Variants in BRIP1 observed in about 807,000 individuals in gnomAD.
BRIP1 encodes the protein BRCA1 interacting DNA helicase 1.
A neutral mutation model predicts 119.7 loss-of-function variants in BRIP1; 88 were observed. The ratio of observed to expected loss-of-function variants is 0.74; its 90% CI spans 0.62 to 0.88. The LOEUF is 0.88. Among genes scored for constraint, BRIP1 ranks in the 40% least tolerant of loss-of-function variants. The probability of loss-of-function intolerance (pLI) is 0.00; values close to 1 mark genes in which losing one functional copy is unlikely to be tolerated. For missense variants in BRIP1, 1,259 were observed against 1,455.4 expected, an observed-to-expected ratio of 0.87 and a Z score of 2.20; for synonymous variants, 443 against 496.5, an observed-to-expected ratio of 0.89 and a Z score of 1.43.
chr17:61,840,714 T>C (rs958842470), intron 6 of BRIP1, among the ~76,000 whole-genome samples: 7 of 152,102 alleles, frequency 4.6e-5, no homozygotes, highest in African/African-American at 1.7e-4. Context: ...ATAACATTCT[T>C]TACAGGAATA....
At position 61,736,266 on chromosome 17, in the gene BRIP1, T is replaced by C. The variant is rs1415478859; in HGVS notation, c.2379+6747A>G. 6.6e-6 allele frequency among the ~76,000 whole-genome samples: 1 copy of C among 152,050 alleles called. No individual in the cohort carries two copies. The highest frequency in any genetic ancestry group is 1.5e-5 in the Non-Finnish European group (1 of 68,018). On this transcript the variant is annotated intron_variant, in intron 16 of 19. Coordinates refer to ENST00000259008, the MANE Select transcript of BRIP1 (RefSeq NM_032043.3). The surrounding 1 kb of genome is among the most constrained non-coding windows in gnomAD (Gnocchi z 4.4). Reference sequence around the variant, plus strand: ...TCAATTGAGCCCATGAGCTCAAGGCTGCAGTGAGCTATGATTGTGCCACTG... The same window carrying C: ...TCAATTGAGCCCATGAGCTCAAGGCCGCAGTGAGCTATGATTGTGCCACTG...
chr17:61,773,676 G>A (rs112766108), intron 14 of BRIP1, among the ~76,000 whole-genome samples: 23 of 151,712 alleles, frequency 1.5e-4, no homozygotes, highest in African/African-American at 3.9e-4. Context: ...AAATTTTTGC[G>A]ATCTACCCAT....
At position 61,753,845 on chromosome 17, in the gene BRIP1, T is replaced by C. The variant is rs1213061984; in HGVS notation, c.2098-9254A>G. ...GTTGCCAAGGCTGGTCTCAAACTCC[T>C]GGACTCAAGCACTCCTCCACCTTGG... On this transcript the variant is annotated intron_variant, in intron 14 of 19. Coordinates refer to ENST00000259008, the MANE Select transcript of BRIP1 (RefSeq NM_032043.3). This position sits in a 1 kb window ranked among gnomAD's most constrained non-coding sequence, Gnocchi z 4.6. Among the ~76,000 whole-genome samples the C allele has an allele frequency of 2.0e-5, 3 of 152,146 alleles. No individual in the cohort carries two copies. The highest frequency in any genetic ancestry group is 4.8e-5 in the African/African-American group (2 of 41,430).
chr17:61,809,001 C>G lies in BRIP1; in HGVS notation c.628-244G>C, dbSNP rs1378628853. 3.3e-5 allele frequency among the ~76,000 whole-genome samples: 5 copies of G among 152,288 alleles called. No individual in the cohort carries two copies. On this transcript the variant is annotated intron_variant, in intron 6 of 19. Coordinates refer to ENST00000259008, the MANE Select transcript of BRIP1 (RefSeq NM_032043.3). This position sits in a 1 kb window ranked among gnomAD's most constrained non-coding sequence, Gnocchi z 5.2. ...AATTTGCATTCTTTCCAACATACCACTCTAACTCTCCAATTCCAAATGTTT... is the reference window on the plus strand; with the variant it reads ...AATTTGCATTCTTTCCAACATACCAGTCTAACTCTCCAATTCCAAATGTTT...
chr17:61,757,074 T>C lies in BRIP1; in HGVS notation c.2098-12483A>G, dbSNP rs2077209956. On this transcript the variant is annotated intron_variant, in intron 14 of 19. Transcript: ENST00000259008. The surrounding 1 kb of genome is among the most constrained non-coding windows in gnomAD (Gnocchi z 4.3). The stretch of plus-strand genomic sequence containing the variant: ...TCATATGTTTTAAATGTTTACTTTC[T>C]TTTATTCAGTTGATATGTACCCATA... 6.6e-6 allele frequency among the ~76,000 whole-genome samples: 1 copy of C among 152,216 alleles called. No individual in the cohort carries two copies. The highest frequency in any genetic ancestry group is 2.4e-5 in the African/African-American group (1 of 41,464).
chr17:61,839,163 T>A (rs2066962), intron 6 of BRIP1, among the ~76,000 whole-genome samples: 28,527 of 151,988 alleles, frequency 0.19, 3,101 homozygotes, highest in Admixed American at 0.3. Context: ...TATTACATTC[T>A]TGGAAATAAT....
rs1204285663 is a variant in BRIP1 at position 61,729,790 on chromosome 17, A to G, written c.2379+13223T>C. On this transcript the variant is annotated intron_variant, in intron 16 of 19. Transcript: ENST00000259008. This position sits in a 1 kb window ranked among gnomAD's most constrained non-coding sequence, Gnocchi z 5.6. ...AAACAGTGGTGCTCAACCGAGAGCA[A>G]TTTTGCCAACCAGAAGATAATGGCA... Among the ~76,000 whole-genome samples, 1 of 152,068 alleles carries G rather than the reference A, an allele frequency of 6.6e-6. No homozygotes were observed. Among genetic ancestry groups the G allele is most frequent in the African/African-American group, 2.4e-5 (1 of 41,404 alleles).
rs2061502110 is a variant in BRIP1 at position 61,695,076 on chromosome 17, A to C, written c.2493-1564T>G. On this transcript the variant is annotated intron_variant, in intron 17 of 19. Coordinates refer to ENST00000259008, the MANE Select transcript of BRIP1 (RefSeq NM_032043.3). This position sits in a 1 kb window ranked among gnomAD's most constrained non-coding sequence, Gnocchi z 4.3. ...TGGTTGCTTGTGCTTCTGATAGCAG[A>C]TCTAAGAAACTATTGCCTAATACAA... is the stretch of plus-strand genomic sequence containing the variant. 6.6e-6 allele frequency among the ~76,000 whole-genome samples: 1 copy of C among 152,054 alleles called. No homozygotes were observed. Among genetic ancestry groups the C allele is most frequent in the South Asian group, 2.1e-4 (1 of 4,830 alleles).
In BRIP1 at chr17:61,693,441, C is replaced by A. The variant is rs200894063; in HGVS notation, c.2564G>T (p.Arg855Leu). 5.6e-6 allele frequency: 9 copies of A among 1,612,968 alleles called. No individual in the cohort carries two copies. In the South Asian group the frequency reaches 6.6e-5, roughly 12 times the overall value. ...AGCTGAGATCTTACCAGATATATAGCGACTTGGGTTATTCCTAAAGCGATC... is the reference window on the plus strand; with the variant it reads ...AGCTGAGATCTTACCAGATATATAGAGACTTGGGTTATTCCTAAAGCGATC... ...VDDRFRNNPSRYISGLSKWVR... is the reference protein window; with the variant it reads ...VDDRFRNNPSLYISGLSKWVR... Residue 855 changes from arginine to leucine, a missense_variant, in exon 18 of 20, where the codon CGC becomes CTC. Coordinates refer to ENST00000259008, the MANE Select transcript of BRIP1 (RefSeq NM_032043.3). This position sits in a 1 kb window ranked among gnomAD's most constrained non-coding sequence, Gnocchi z 4.2.
rs558234286 is a variant in BRIP1, at chr17:61,789,199, C to G, written c.1473+4398G>C. Among the ~76,000 whole-genome samples, 1 of 151,588 alleles carries G rather than the reference C, an allele frequency of 6.6e-6. No homozygotes were observed. Among genetic ancestry groups the G allele is most frequent in the Non-Finnish European group, 1.5e-5 (1 of 67,934 alleles). ...GGAGGATCCCTTAAGACCAGAAATC[C>G]AAGGTTACAGTGAGCTATGAATGCA... On this transcript the variant is annotated intron_variant, in intron 10 of 19. Transcript: ENST00000259008. This position sits in a 1 kb window ranked among gnomAD's most constrained non-coding sequence, Gnocchi z 4.8.
chr17:61,763,893 A>G (rs776817647), intron 14 of BRIP1, among the ~76,000 whole-genome samples: 1 of 152,206 alleles, frequency 6.6e-6, no homozygotes, highest in Admixed American at 6.5e-5. Flanking sequence ...TTCTCTATGA[A>G]CATAGATGAA....
rs1187808865 is a variant in BRIP1, at chr17:61,743,278, TA to T, written c.2258-145del. On this transcript the variant is annotated intron_variant, in intron 15 of 19. Coordinates refer to ENST00000259008, the MANE Select transcript of BRIP1 (RefSeq NM_032043.3). The surrounding 1 kb of genome is among the most constrained non-coding windows in gnomAD (Gnocchi z 4.3). ...AAAACACTATTATGAGATAAAGTTTTAAAAGTTCAATGTCTTTAAGTAAATA... is the reference window on the plus strand; with the variant it reads ...AAAACACTATTATGAGATAAAGTTTTAAAGTTCAATGTCTTTAAGTAAATA... The T allele has an allele frequency of 1.6e-5, 18 of 1,140,482 alleles. No homozygotes were observed. Among genetic ancestry groups the T allele is most frequent in the Middle Eastern group, 4.3e-4 (2 of 4,678 alleles). The allele number at this position is 1,140,482 out of a possible 1,614,324, so 70.6% of individuals were successfully genotyped here.
Position 61,717,217 on chromosome 17 carries a change from C to T in BRIP1, c.2380-1154G>A, listed in dbSNP as rs1439906787. On this transcript the variant is annotated intron_variant, in intron 16 of 19. Transcript: ENST00000259008. This position sits in a 1 kb window ranked among gnomAD's most constrained non-coding sequence, Gnocchi z 4.1. Reference sequence around the variant, plus strand: ...AGCTCATGTCAAATTAAGAAATTAACATTAGTACATTAGTATTAAATAATC... The same window carrying T: ...AGCTCATGTCAAATTAAGAAATTAATATTAGTACATTAGTATTAAATAATC... Among the ~76,000 whole-genome samples the T allele has an allele frequency of 6.6e-6, 1 of 152,038 alleles. No individual in the cohort carries two copies. The highest frequency in any genetic ancestry group is 1.5e-5 in the Non-Finnish European group (1 of 67,940).
chr17:61,781,300 C>T lies in BRIP1; in HGVS notation c.1629-295G>A, dbSNP rs147269748. Among the ~76,000 whole-genome samples the T allele has an allele frequency of 6.9e-3, 1,051 of 152,256 alleles. 9 individuals carry two copies. The highest frequency in any genetic ancestry group is 0.01 in the Non-Finnish European group (697 of 68,018). On this transcript the variant is annotated intron_variant, in intron 11 of 19. Coordinates refer to ENST00000259008, the MANE Select transcript of BRIP1 (RefSeq NM_032043.3). ...AACATTACATATGTCATGGCAGAAG[C>T]AGAATTAAAATCCAGGCCTCCTAAC...
chr17:61,683,155 GAAT>G lies in BRIP1; in HGVS notation c.*138_*140del, dbSNP rs2061292503. 1 of 1,086,766 alleles carries G rather than the reference GAAT, an allele frequency of 9.2e-7. No individual in the cohort carries two copies. The highest frequency in any genetic ancestry group is 1.3e-6 in the Non-Finnish European group (1 of 768,990). The allele number at this position is 1,086,766 out of a possible 1,614,324, so 67.3% of individuals were successfully genotyped here. A position where few individuals can be genotyped will look rare whatever the true frequency, so the allele number is the denominator to read the frequency against. On this transcript the variant is annotated 3_prime_UTR_variant, in exon 20 of 20. Coordinates refer to ENST00000259008, the MANE Select transcript of BRIP1 (RefSeq NM_032043.3). This position sits in a 1 kb window ranked among gnomAD's most constrained non-coding sequence, Gnocchi z 4.7. ...CAAAAAAAAAAACCCAAAAACTCAA[GAAT>G]AATAACATTTACATTTCTGAACATA... is the stretch of plus-strand genomic sequence containing the variant.
intron 16 of BRIP1, among the ~76,000 whole-genome samples, chr17:61,723,586 T>A (rs149553692): frequency 6.6e-6 from 1 of 152,232 alleles, no homozygotes; most frequent in Non-Finnish European, 1.5e-5. Flanking sequence ...ATGTTTTTTC[T>A]AAGTTTTGAC....
chr17:61,687,728 C>A lies in BRIP1; in HGVS notation c.2576-1563G>T, dbSNP rs189696480. On this transcript the variant is annotated intron_variant, in intron 18 of 19. Transcript: ENST00000259008. This position sits in a 1 kb window ranked among gnomAD's most constrained non-coding sequence, Gnocchi z 5.1. ...ACTGTTTACTGTTGGATGAAACCAT[C>A]GAGTGAGAAAAAAATGATACTACTG... is the stretch of plus-strand genomic sequence containing the variant. 5.9e-5 allele frequency among the ~76,000 whole-genome samples: 9 copies of A among 151,988 alleles called. No homozygotes were observed. The highest frequency in any genetic ancestry group is 2.0e-4 in the Admixed American group (3 of 15,258).
rs897190521 is a variant in BRIP1, at chr17:61,857,336, G to T, written c.206-105C>A. 1 of 1,049,686 alleles carries T rather than the reference G, an allele frequency of 9.5e-7. No homozygotes were observed. The highest frequency in any genetic ancestry group is 1.6e-5 in the African/African-American group (1 of 62,096). 65.0% of individuals were successfully genotyped at this position (1,049,686 alleles called of 1,614,324 possible). A position where few individuals can be genotyped will look rare whatever the true frequency, so the allele number is the denominator to read the frequency against. On this transcript the variant is annotated intron_variant, in intron 3 of 19. Coordinates refer to ENST00000259008, the MANE Select transcript of BRIP1 (RefSeq NM_032043.3). This position sits in a 1 kb window ranked among gnomAD's most constrained non-coding sequence, Gnocchi z 5.1. Reference sequence around the variant, plus strand: ...GATTGGGAGGTTTCCTAAGATAAAAGATTTTTAGGGCTAACACCAGGAAGG... The same window carrying T: ...GATTGGGAGGTTTCCTAAGATAAAATATTTTTAGGGCTAACACCAGGAAGG...
intron 6 of BRIP1, among the ~76,000 whole-genome samples, chr17:61,818,049 A>C (rs1397691910): frequency 2.6e-5 from 4 of 152,190 alleles, no homozygotes; most frequent in Non-Finnish European, 1.5e-5. Context: ...AATAACCAAA[A>C]CTTTTTGGAA....
Sources: allele counts gnomAD v4.1 joint callset (sites outside exome capture counted in the v4.1 genomes callset), GRCh38; gene constraint gnomAD v4.1.1; non-coding constraint Gnocchi (gnomAD v3.1); transcripts MANE v1.5; gene names NCBI Gene and HGNC (gene_info 2026-07-23, HGNC 2026-07-21).